XKR9: variants seen among roughly 807,000 people sequenced by gnomAD.
XKR9 encodes the protein XK related 9.
Under a neutral mutation model 32.0 loss-of-function variants are expected in XKR9, and 32 were observed. The observed-to-expected ratio is 1.00, with a 90% confidence interval of 0.76 to 1.34. The LOEUF is 1.34. Ranked by LOEUF, XKR9 falls within the 40% of genes most tolerant of loss-of-function variation. XKR9 has a pLI of 0.00. For synonymous variants in XKR9, 168 were observed against 143.4 expected (o/e 1.17, Z -1.22); for missense variants, 546 against 429.7 (o/e 1.27, Z -2.39).
At chr8:70,852,940 T>G in the XKR9 span, among the ~76,000 whole-genome samples, 1 of 152,012 alleles carries the variant, frequency 6.6e-6, no homozygotes, top group Non-Finnish European at 1.5e-5. Context: ...CCATGGCACA[T>G]GTATGCCTAT....
chr8:70,887,860 C>T, the XKR9 span, among the ~76,000 whole-genome samples: 2 of 152,004 alleles, frequency 1.3e-5, no homozygotes, highest in African/African-American at 4.8e-5. Context: ...ATAATCATGT[C>T]GTCTGCAAAC....
At chr8:70,953,703 A>G in the XKR9 span, among the ~76,000 whole-genome samples, 4 of 152,156 alleles carry the variant, frequency 2.6e-5, no homozygotes, top group Non-Finnish European at 4.4e-5. Context: ...CTGATGGGTA[A>G]CTAGAGTGAG....
intron 2 of XKR9, among the ~76,000 whole-genome samples, chr8:70,755,103 T>G (rs1409301952): frequency 6.6e-6 from 1 of 152,142 alleles, no homozygotes; most frequent in Non-Finnish European, 1.5e-5. Context: ...GCAAAGGATA[T>G]GAACAGACAC....
At chr8:70,982,235 G>T in the XKR9 span, among the ~76,000 whole-genome samples, 1 of 152,176 alleles carries the variant, frequency 6.6e-6, no homozygotes, top group Non-Finnish European at 1.5e-5. Context: ...TGGTGGGCAG[G>T]GCCATAGAGT....
the XKR9 span, among the ~76,000 whole-genome samples, chr8:70,861,656 TA>T: frequency 1.0e-3 from 153 of 152,094 alleles, 2 homozygotes; most frequent in African/African-American, 3.4e-3. Context: ...AACCTGAACC[TA>T]AAAAAATAAA....
At chr8:70,829,598 G>C in the XKR9 span, among the ~76,000 whole-genome samples, 30 of 152,180 alleles carry the variant, frequency 2.0e-4, no homozygotes, top group Middle Eastern at 3.4e-3. Flanking sequence ...ACAGGCGCCC[G>C]CTACCACACC....
chr8:70,685,490 T>TATAATAATAATA (rs56223664), intron 3 of XKR9, among the ~76,000 whole-genome samples: 48 of 141,716 alleles, frequency 3.4e-4, no homozygotes, highest in African/African-American at 4.5e-4. Context: ...AAACTTAAAG[T>TATAATAATAATA]ATAATAATAA....
At chr8:70,768,326 T>C (rs1393383086) in intron 2 of XKR9, among the ~76,000 whole-genome samples, 3 of 152,202 alleles carry the variant, frequency 2.0e-5, no homozygotes, top group African/African-American at 7.2e-5. Context: ...TGCTGAGAAG[T>C]GTTTTACTTC....
In XKR9 at chr8:70,759,947, A is replaced by G. The variant is rs562939209; in HGVS notation, n.353-29392A>G. ...TGTTCTAGAGGGTGATTGCTTAAAG[A>G]CTACAGCTTATTTTAACCCTTTGAA... is the stretch of plus-strand genomic sequence containing the variant. On this transcript the variant is annotated intron_variant and non_coding_transcript_variant, in intron 2 of 3. Transcript: ENST00000520273. Among the ~76,000 whole-genome samples, 4 of 152,330 alleles carry G rather than the reference A, an allele frequency of 2.6e-5. No homozygotes were observed. The South Asian group carries it at 8.3e-4, about 32-fold the overall frequency.
At chr8:70,820,831 C>A in the XKR9 span, among the ~76,000 whole-genome samples, 1 of 152,188 alleles carries the variant, frequency 6.6e-6, no homozygotes, top group African/African-American at 2.4e-5. Context: ...TGATCTCTTT[C>A]TTGACATGTG....
chr8:70,899,435 T>TG, the XKR9 span, among the ~76,000 whole-genome samples: 1,666 of 151,980 alleles, frequency 0.011, 29 homozygotes, highest in African/African-American at 0.036. Flanking sequence ...AGACAGTTTT[T>TG]TTTTTTTTTT....
chr8:70,971,692 T>C, the XKR9 span, among the ~76,000 whole-genome samples: 1 of 152,216 alleles, frequency 6.6e-6, no homozygotes, highest in Non-Finnish European at 1.5e-5. Context: ...TTGCCAATTA[T>C]CTCAGCTCCA....
chr8:70,838,895 TA>T, the XKR9 span, among the ~76,000 whole-genome samples: 5 of 150,780 alleles, frequency 3.3e-5, no homozygotes, highest in South Asian at 1.0e-3. Flanking sequence ...TCCATGTGAT[TA>T]AGCAACCTTG....
intron 2 of XKR9, among the ~76,000 whole-genome samples, chr8:70,741,938 T>A (rs1232292033): frequency 6.6e-6 from 1 of 151,228 alleles, no homozygotes; most frequent in South Asian, 2.1e-4. Context: ...AGTTTCTCTA[T>A]ATCCTCACCA....
chr8:70,810,366 G>T, the XKR9 span, among the ~76,000 whole-genome samples: 1 of 152,254 alleles, frequency 6.6e-6, no homozygotes, highest in Non-Finnish European at 1.5e-5. Context: ...TCGAGGCTAG[G>T]AAGAAACTGC....
the XKR9 span, among the ~76,000 whole-genome samples, chr8:70,923,495 A>G: frequency 6.6e-6 from 1 of 152,238 alleles, no homozygotes; most frequent in Non-Finnish European, 1.5e-5. Context: ...AAGTTGATGA[A>G]GCTCAAGCTT....
In XKR9 at chr8:70,756,105, G is replaced by A. The variant is rs145359762; in HGVS notation, n.353-33234G>A. 3.5e-3 allele frequency among the ~76,000 whole-genome samples: 537 copies of A among 152,050 alleles called. 3 individuals carry two copies. The highest frequency in any genetic ancestry group is 0.012 in the African/African-American group (514 of 41,456). ...TGCCTATGGCTATCCAGTTACCCCC[G>A]TACCATTTGTTGAAAAGATATTCTT... On this transcript the variant is annotated intron_variant and non_coding_transcript_variant, in intron 2 of 3. Coordinates refer to the XKR9 transcript ENST00000520273.
intron 4 of XKR9, among the ~76,000 whole-genome samples, chr8:70,708,132 A>G (rs1805783975): frequency 6.6e-6 from 1 of 151,960 alleles, no homozygotes; most frequent in Admixed American, 6.6e-5. Context: ...ACACAAAATG[A>G]TTGTGTGTAT....
chr8:70,725,378 C>T (rs147996297), intron 4 of XKR9, among the ~76,000 whole-genome samples: 93 of 152,120 alleles, frequency 6.1e-4, no homozygotes, highest in African/African-American at 2.2e-3. Flanking sequence ...GTTAACATTT[C>T]CTCTTTCCAA....
Sources: allele counts gnomAD v4.1 joint callset (sites outside exome capture counted in the v4.1 genomes callset), GRCh38; gene constraint gnomAD v4.1.1; transcripts MANE v1.5; gene names NCBI Gene and HGNC (gene_info 2026-07-23, HGNC 2026-07-21).